The following TTC39B variants were observed in gnomAD, a reference collection of about 807,000 sequenced individuals.
TTC39B encodes the protein tetratricopeptide repeat domain 39B.
Under a neutral mutation model 96.6 loss-of-function variants are expected in TTC39B, and 92 were observed. That is an observed-to-expected ratio of 0.95 (90% confidence interval 0.80 to 1.13). The LOEUF (loss-of-function observed/expected upper bound fraction) is 1.13, where lower values mean the gene tolerates loss of function less well. Among genes scored for constraint, TTC39B ranks in the 50% most tolerant of loss-of-function variants. The pLI is 0.00. For synonymous variants in TTC39B, 367 were observed against 299.4 expected (o/e 1.23, Z -2.33); for missense variants, 955 against 809.3 (o/e 1.18, Z -2.18).
chr9:15,260,849 C>T (rs1822919037), intron 2 of TTC39B, among the ~76,000 whole-genome samples: 1 of 152,220 alleles, frequency 6.6e-6, no homozygotes, highest in African/African-American at 2.4e-5. Context: ...TCACCTTCTA[C>T]AGGTAAGTAC....
chr9:15,307,035 C>T, intron 1 of TTC39B, 49 bp downstream of exon 1: 1 of 1,593,478 alleles, frequency 6.3e-7, no homozygotes. Context: ...CTCCCGGACT[C>T]CTGTCCAGGG....
At position 15,302,349 on chromosome 9, in the gene TTC39B, G is replaced by A. The variant is rs563332825; in HGVS notation, c.240+4735C>T. Reference sequence around the variant, plus strand: ...TTTAAAAAAAAGGCCGGGCGCGGTGGCTCACGCCTGTAATCCCAGCACTTT... The same window carrying A: ...TTTAAAAAAAAGGCCGGGCGCGGTGACTCACGCCTGTAATCCCAGCACTTT... On this transcript the variant is annotated intron_variant, in intron 1 of 19. Coordinates refer to ENST00000512701, the Ensembl canonical transcript of TTC39B. 2.5e-4 allele frequency among the ~76,000 whole-genome samples: 37 copies of A among 150,950 alleles called. No homozygotes were observed. The South Asian group carries it at 2.5e-3, about 10-fold the overall frequency.
At chr9:15,299,711 G>C (rs1272890045) in intron 1 of TTC39B, among the ~76,000 whole-genome samples, 2 of 152,180 alleles carry the variant, frequency 1.3e-5, no homozygotes, top group Non-Finnish European at 2.9e-5. Context: ...TCCAAGACTG[G>C]AGATTGGTCG....
chr9:15,193,002 C>T (rs1010076723), intron 8 of TTC39B, among the ~76,000 whole-genome samples: 7 of 152,156 alleles, frequency 4.6e-5, no homozygotes, highest in African/African-American at 7.2e-5. Flanking sequence ...CCACAGCTTC[C>T]GGCAGCATAT....
At chr9:15,197,570 A>T (rs1819244430) in intron 8 of TTC39B, among the ~76,000 whole-genome samples, 1 of 152,208 alleles carries the variant, frequency 6.6e-6, no homozygotes, top group Non-Finnish European at 1.5e-5. Context: ...ACATATTTTT[A>T]CACAGTGGAA....
intron 2 of TTC39B, among the ~76,000 whole-genome samples, chr9:15,260,920 G>C (rs1232790288): frequency 6.6e-6 from 1 of 152,074 alleles, no homozygotes; most frequent in Non-Finnish European, 1.5e-5. Flanking sequence ...CACCACCTCA[G>C]GATTCCATTG....
chr9:15,204,106 C>G (rs1819703766), intron 6 of TTC39B, among the ~76,000 whole-genome samples: 1 of 152,184 alleles, frequency 6.6e-6, no homozygotes, highest in Non-Finnish European at 1.5e-5. Flanking sequence ...AAGTCATCCC[C>G]ATTCAAATGT....
chr9:15,174,755 A>G (rs552680208), intron 19 of TTC39B, among the ~76,000 whole-genome samples: 1 of 152,338 alleles, frequency 6.6e-6, no homozygotes, highest in Admixed American at 6.5e-5. Flanking sequence ...CCCCTGATAT[A>G]GAATAAAATA....
chr9:15,186,890 T>C (rs750387654), intron 15 of TTC39B, 54 bp downstream of exon 15: 81 of 1,505,698 alleles, frequency 5.4e-5, no homozygotes, highest in Non-Finnish European at 7.4e-5. Context: ...AGAGATGAGA[T>C]TTTGCCCCTT....
At chr9:15,291,768 T>A (rs1173574875) in intron 1 of TTC39B, among the ~76,000 whole-genome samples, 1 of 152,202 alleles carries the variant, frequency 6.6e-6, no homozygotes, top group Non-Finnish European at 1.5e-5. Context: ...AATCAGCCTC[T>A]TCCCTGACAC....
chr9:15,198,645 GAAC>G (rs1254980598), intron 8 of TTC39B, among the ~76,000 whole-genome samples: 1 of 151,436 alleles, frequency 6.6e-6, no homozygotes, highest in African/African-American at 2.4e-5. Flanking sequence ...ACAGCTAAGA[GAAC>G]AACAGTTCTA....
chr9:15,205,165 G>A (rs1458883837), intron 6 of TTC39B, among the ~76,000 whole-genome samples: 1 of 152,130 alleles, frequency 6.6e-6, no homozygotes, highest in Non-Finnish European at 1.5e-5. Flanking sequence ...ATGAAGTGCT[G>A]CACATAGAGC....
At chr9:15,180,374 A>T (rs1161834172) in intron 17 of TTC39B, among the ~76,000 whole-genome samples, 2 of 152,228 alleles carry the variant, frequency 1.3e-5, no homozygotes, top group Non-Finnish European at 2.9e-5. Flanking sequence ...TGTTGAATTT[A>T]GTTAGATTTC....
intron 1 of TTC39B, among the ~76,000 whole-genome samples, chr9:15,304,378 C>T (rs1474535210): frequency 1.3e-5 from 2 of 152,124 alleles, no homozygotes; most frequent in African/African-American, 4.8e-5. Context: ...TTTAAATGGC[C>T]ACACACCATT....
At position 15,192,483 on chromosome 9, in the gene TTC39B, C is replaced by T; in HGVS notation, c.930+107G>A. ...TGATCCCACTCTAGCTGTTTGTCAA[C>T]CAACCCAAGGAAAGGTTCAGGATGA... On this transcript the variant is annotated intron_variant, in intron 9 of 19. Transcript: ENST00000512701. 3 of 835,738 alleles carry T rather than the reference C, an allele frequency of 3.6e-6. No individual in the cohort carries two copies. The East Asian group carries it at 7.6e-5, about 21-fold the overall frequency. The allele number at this position is 835,738 out of a possible 1,614,324, so 51.8% of individuals were successfully genotyped here. A position where few individuals can be genotyped will look rare whatever the true frequency, so the allele number is the denominator to read the frequency against.
intron 16 of TTC39B, among the ~76,000 whole-genome samples, chr9:15,182,884 G>C (rs1399394330): frequency 6.6e-6 from 1 of 152,008 alleles, no homozygotes; most frequent in African/African-American, 2.4e-5. Flanking sequence ...AACATGTGAC[G>C]GTCCAGTAAT....
intron 10 of TTC39B, among the ~76,000 whole-genome samples, chr9:15,190,969 C>T (rs2118792949): frequency 6.6e-6 from 1 of 152,154 alleles, no homozygotes; most frequent in South Asian, 2.1e-4. Context: ...ATTTTTCATC[C>T]AAGAATTTGG....
chr9:15,171,963 A>T, exon 20 of TTC39B: 1 of 1,330,446 alleles, frequency 7.5e-7, no homozygotes, highest in South Asian at 1.3e-5. Context: ...TATAAGGTTG[A>T]ATCTATAGCA....
intron 13 of TTC39B, 148 bp from the exon 14 acceptor site, chr9:15,188,280 C>T: frequency 1.3e-6 from 1 of 751,578 alleles, no homozygotes; most frequent in Non-Finnish European, 2.0e-6. Context: ...CTTTTCCTTA[C>T]AGGCAATGAT....
Sources: gnomAD v4.1 joint callset for allele counts (sites outside exome capture counted in the v4.1 genomes callset) on GRCh38, gnomAD v4.1.1 for gene constraint, MANE v1.5 for transcripts, NCBI Gene and HGNC (gene_info 2026-07-23, HGNC 2026-07-21) for gene names.